PIGU: variants seen among roughly 807,000 people sequenced by gnomAD.
PIGU encodes GPI-anchor transamidase component PIGU.
In PIGU, 24 loss-of-function variants were observed where a neutral mutation model predicts 49.9. The ratio of observed to expected loss-of-function variants is 0.48; its 90% CI spans 0.35 to 0.68. The LOEUF is 0.68. Among genes scored for constraint, PIGU ranks in the 30% least tolerant of loss-of-function variants. The pLI, the probability that PIGU is intolerant of heterozygous loss-of-function variation, is 0.01. For synonymous variants in PIGU, 220 were observed against 205.7 expected (o/e 1.07, Z -0.59); for missense variants, 490 against 532.6 (o/e 0.92, Z 0.79).
At chr20:34,585,299 G>A (rs2146709953) in intron 9 of PIGU, 138 bp downstream of exon 9, 1 of 1,064,236 alleles carries the variant, frequency 9.4e-7, no homozygotes, top group Non-Finnish European at 1.4e-6. Context: ...TGCGGCAACT[G>A]AAGGCAGGTT....
In PIGU at chr20:34,676,978, G is replaced by T. The variant is rs1388129537; in HGVS notation, c.108C>A (p.Ser36=). 11 of 1,579,168 alleles carry T rather than the reference G, an allele frequency of 7.0e-6. No individual in the cohort carries two copies. In the East Asian group the frequency reaches 2.1e-4, roughly 30 times the overall value. The part of the protein sequence containing the change: ...EFISERVEVV[S]PLSSWKRVVE... ...CACCTCTCTTCCAAGAGCTCAGTGG[G>T]GACACCACCTCCACCCGCTCGGAAA... Residue 36 remains serine (S), a synonymous_variant, in exon 1 of 12, where the codon TCC becomes TCA. Transcript: ENST00000217446.
At chr20:34,585,720 G>T in intron 8 of PIGU, 140 bp from the exon 9 acceptor site, 2 of 828,180 alleles carry the variant, frequency 2.4e-6, no homozygotes, top group South Asian at 3.6e-5. Flanking sequence ...GGATGGGAAG[G>T]GCTCTCTAGG....
At chr20:34,672,571 G>A (rs1481216641) in intron 1 of PIGU, among the ~76,000 whole-genome samples, 2 of 151,990 alleles carry the variant, frequency 1.3e-5, no homozygotes, top group African/African-American at 4.8e-5. Flanking sequence ...AAAAAAAAGA[G>A]GTCAGGCATG....
chr20:34,586,980 C>T (rs1181274577), intron 8 of PIGU, among the ~76,000 whole-genome samples: 4 of 152,124 alleles, frequency 2.6e-5, no homozygotes, highest in African/African-American at 4.8e-5. Context: ...AGCAGTAGGA[C>T]GTAAATAACT....
At chr20:34,648,533 A>C (rs1986426708) in intron 2 of PIGU, among the ~76,000 whole-genome samples, 1 of 151,984 alleles carries the variant, frequency 6.6e-6, no homozygotes, top group Non-Finnish European at 1.5e-5. Flanking sequence ...CTTATATGCA[A>C]AATTTTTTGT....
intron 4 of PIGU, among the ~76,000 whole-genome samples, chr20:34,639,917 A>G (rs1986095424): frequency 6.6e-6 from 1 of 152,232 alleles, no homozygotes; most frequent in Non-Finnish European, 1.5e-5. Flanking sequence ...TGGCTCAGCA[A>G]TCAAGTGCTT....
intron 2 of PIGU, among the ~76,000 whole-genome samples, chr20:34,656,467 A>G (rs1377598520): frequency 6.8e-6 from 1 of 147,520 alleles, no homozygotes; most frequent in Non-Finnish European, 1.5e-5. Context: ...TATTTTCAGT[A>G]GAGACGGGGT....
At chr20:34,602,602 A>G (rs1490947282) in intron 7 of PIGU, among the ~76,000 whole-genome samples, 1 of 152,212 alleles carries the variant, frequency 6.6e-6, no homozygotes, top group Non-Finnish European at 1.5e-5. Flanking sequence ...ATCTTAAAAA[A>G]CAAACAAAAA....
At chr20:34,630,609 G>A (rs1215142493) in intron 6 of PIGU, among the ~76,000 whole-genome samples, 1 of 152,048 alleles carries the variant, frequency 6.6e-6, no homozygotes, top group African/African-American at 2.4e-5. Flanking sequence ...GCCCATGCAC[G>A]GAGTCTCCAG....
At chr20:34,660,048 T>TAAAAAA (rs1555803430) in intron 1 of PIGU, among the ~76,000 whole-genome samples, 7 of 41,328 alleles carry the variant, frequency 1.7e-4, no homozygotes, top group African/African-American at 3.1e-4. Flanking sequence ...GAATGATCAA[T>TAAAAAA]AAAAAAAAAA....
At chr20:34,649,582 G>A (rs1417402821) in intron 2 of PIGU, among the ~76,000 whole-genome samples, 3 of 150,816 alleles carry the variant, frequency 2.0e-5, no homozygotes, top group South Asian at 2.1e-4. Flanking sequence ...GTGCAGTGGC[G>A]TGATCTCGGC....
intron 2 of PIGU, among the ~76,000 whole-genome samples, chr20:34,648,563 TC>T (rs1449594656): frequency 6.6e-6 from 1 of 152,136 alleles, no homozygotes; most frequent in Non-Finnish European, 1.5e-5. Flanking sequence ...TGGGGTTTTT[TC>T]CTGAAACAAA....
chr20:34,649,660 G>A (rs780020448), intron 2 of PIGU, among the ~76,000 whole-genome samples: 6 of 148,294 alleles, frequency 4.0e-5, no homozygotes, highest in South Asian at 4.3e-4. Context: ...TCAGCCTCCC[G>A]AGTAGCTGGG....
At position 34,585,471 on chromosome 20, in the gene PIGU, A is replaced by C. The variant is rs556384435; in HGVS notation, c.892T>G (p.Phe298Val). 4.5e-5 allele frequency: 73 copies of C among 1,614,060 alleles called. No homozygotes were observed. The highest frequency in any genetic ancestry group is 6.2e-5 in the Non-Finnish European group (73 of 1,179,976). ...FFVCVFQINVFFYTIPLAIKL... is the reference protein window; with the variant it reads ...FFVCVFQINVVFYTIPLAIKL... ...ATGGCTAAGGGGATGGTGTAGAAGA[A>C]GACGTTGATCTGAAACACACATACA... Residue 298 changes from phenylalanine (F) to valine (V), a missense_variant, in exon 9 of 12, where the codon TTC becomes GTC. Phe to Val is a conservative substitution (Grantham distance 50). Transcript: ENST00000217446.
intron 11 of PIGU, among the ~76,000 whole-genome samples, chr20:34,565,266 G>GCT (rs1555794320): frequency 6.6e-5 from 10 of 150,688 alleles, no homozygotes; most frequent in African/African-American, 2.2e-4. Context: ...GGCTCCTCTA[G>GCT]TTTTTTTTTG....
chr20:34,620,809 C>CAGAAAAAAAAAAAAA (rs1985184217), intron 6 of PIGU, among the ~76,000 whole-genome samples: 1 of 127,810 alleles, frequency 7.8e-6, no homozygotes, highest in East Asian at 2.3e-4. Context: ...TAAAAAAAAA[C>CAGAAAAAAAAAAAAA]AAAAAAAAAA....
intron 10 of PIGU, among the ~76,000 whole-genome samples, chr20:34,575,853 C>T (rs543419804): frequency 2.6e-5 from 4 of 152,272 alleles, no homozygotes; most frequent in South Asian, 2.1e-4. Context: ...AAGGGAATGC[C>T]GAATCCCACC....
At chr20:34,637,175 G>A (rs1048570825) in intron 5 of PIGU, among the ~76,000 whole-genome samples, 1 of 152,148 alleles carries the variant, frequency 6.6e-6, no homozygotes, top group African/African-American at 2.4e-5. Flanking sequence ...GTCTCACAAG[G>A]CCCCTTCTAA....
intron 1 of PIGU, among the ~76,000 whole-genome samples, chr20:34,663,503 AAAG>A (rs1986990614): frequency 6.6e-6 from 1 of 152,058 alleles, no homozygotes. Flanking sequence ...AAAGAAAAGA[AAAG>A]AAAAAAGACC....
Sources: allele counts gnomAD v4.1 joint callset (sites outside exome capture counted in the v4.1 genomes callset), GRCh38; gene constraint gnomAD v4.1.1; transcripts MANE v1.5; gene names NCBI Gene and HGNC (gene_info 2026-07-23, HGNC 2026-07-21).